PHC3: variants seen among roughly 807,000 people sequenced by gnomAD.
The protein encoded by PHC3 is polyhomeotic-like protein 3.
In PHC3, 13 loss-of-function variants were observed where a neutral mutation model predicts 107.4. The ratio of observed to expected loss-of-function variants is 0.12; its 90% confidence interval spans 0.08 to 0.19. The LOEUF (loss-of-function observed/expected upper bound fraction) is 0.19. Ranked by LOEUF, PHC3 falls within the 10% of genes least tolerant of loss-of-function variation. The pLI, the probability that PHC3 is intolerant of heterozygous loss-of-function variation, is 1.00. For synonymous variants in PHC3, 456 were observed against 427.4 expected, an observed-to-expected ratio of 1.07 and a Z score of -0.83; for missense variants, 992 against 1,210.9, an observed-to-expected ratio of 0.82 and a Z score of 2.68.
Position 170,149,261 on chromosome 3 carries a change from A to G in PHC3, c.415-17T>C. 1 of 1,599,658 alleles carries G rather than the reference A, an allele frequency of 6.3e-7. No homozygotes were observed. The highest frequency in any genetic ancestry group is 8.5e-7 in the Non-Finnish European group (1 of 1,172,924). The stretch of plus-strand genomic sequence containing the variant: ...GAGGTTGATCTAAGGAAGAAAACAT[A>G]TTAGGTCATAGGCTTCCATTTCTTG... On this transcript the variant is annotated splice_polypyrimidine_tract_variant and intron_variant, in intron 4 of 14. Transcript: ENST00000495893.
chr3:170,097,797 A>G lies in PHC3; in HGVS notation c.2834-413T>C, dbSNP rs540139223. 4.5e-4 allele frequency among the ~76,000 whole-genome samples: 69 copies of G among 152,332 alleles called. No homozygotes were observed. In the South Asian group the frequency reaches 0.014, roughly 32 times the overall value. On this transcript the variant is annotated intron_variant, in intron 14 of 14. Transcript: ENST00000495893. The surrounding 1 kb of genome is among the most constrained non-coding windows in gnomAD (Gnocchi z 4.1). ...ACATATAGGTAAAGAGGAAACAAAA[A>G]TATGTTTTGTCATTTAAATAACAAT...
chr3:170,160,340 A>G (rs1304150106), intron 4 of PHC3, among the ~76,000 whole-genome samples: 2 of 152,192 alleles, frequency 1.3e-5, no homozygotes, highest in African/African-American at 4.8e-5. Flanking sequence ...AACTCCTATG[A>G]CATTTACCAC....
intron 6 of PHC3, among the ~76,000 whole-genome samples, chr3:170,139,052 C>T (rs1240755969): frequency 6.6e-6 from 1 of 152,176 alleles, no homozygotes; most frequent in Admixed American, 6.5e-5. Flanking sequence ...TCTAGAACAA[C>T]TTTCCCATAG....
At chr3:170,139,570 T>A (rs1361614363) in intron 6 of PHC3, among the ~76,000 whole-genome samples, 1 of 152,216 alleles carries the variant, frequency 6.6e-6, no homozygotes. Context: ...TATAGAATAA[T>A]ACTCCTTTTG....
chr3:170,136,430 A>G lies in PHC3; in HGVS notation c.908T>C (p.Leu303Ser). ...AAGTTTTATCCCACCTGGTGCTATT[A>G]ACTGGTGAATACTTGATGTCCGGGT... ...AVTRTSSIHQLIAPASYSPIQ... is the reference protein window; with the variant it reads ...AVTRTSSIHQSIAPASYSPIQ... The change falls in exon 7 of 15, where the codon TTA becomes TCA. Residue 303 changes from leucine to serine, a missense_variant. Coordinates refer to ENST00000495893, the MANE Select transcript of PHC3 (RefSeq NM_024947.4). 1 of 1,610,028 alleles carries G rather than the reference A, an allele frequency of 6.2e-7. No homozygotes were observed. The highest frequency in any genetic ancestry group is 1.3e-5 in the African/African-American group (1 of 74,858).
chr3:170,137,540 G>A (rs570401588), intron 6 of PHC3, among the ~76,000 whole-genome samples: 11 of 152,266 alleles, frequency 7.2e-5, no homozygotes, highest in African/African-American at 1.4e-4. Flanking sequence ...AAGAGACTCC[G>A]AAGTGATCAA....
At position 170,132,183 on chromosome 3, in the gene PHC3, CAT is replaced by C. The variant is rs145428216; in HGVS notation, c.920-2633_920-2632del. Reference sequence around the variant, plus strand: ...GAGAATTAATGGCTGACATCTCTCACATATATATATAATTCTATTATTTACAG... The same window carrying C: ...GAGAATTAATGGCTGACATCTCTCACATATATATAATTCTATTATTTACAG... On this transcript the variant is annotated intron_variant, in intron 7 of 14. Transcript: ENST00000495893. Among the ~76,000 whole-genome samples the C allele has an allele frequency of 4.0e-3, 603 of 152,188 alleles. 20 individuals carry two copies. The East Asian group carries it at 0.098, about 25-fold the overall frequency.
intron 8 of PHC3, among the ~76,000 whole-genome samples, chr3:170,127,086 T>A (rs10936612): frequency 0.44 from 67,459 of 152,028 alleles, 15,247 homozygotes; most frequent in East Asian, 0.69. Context: ...ACGCTTCCTA[T>A]ACCCCTGTTT....
chr3:170,144,944 C>T (rs556506449), intron 6 of PHC3, among the ~76,000 whole-genome samples: 1 of 152,156 alleles, frequency 6.6e-6, no homozygotes, highest in African/African-American at 2.4e-5. Flanking sequence ...TGAGTTCACA[C>T]AATCCTCCTA....
chr3:170,168,247 A>G (rs985285940), intron 4 of PHC3, among the ~76,000 whole-genome samples: 1 of 152,186 alleles, frequency 6.6e-6, no homozygotes, highest in African/African-American at 2.4e-5. Context: ...AAAAAAATTA[A>G]AGTAAAAAAG....
chr3:170,179,359 C>A (rs533587384), intron 1 of PHC3, among the ~76,000 whole-genome samples: 1 of 152,274 alleles, frequency 6.6e-6, no homozygotes, highest in Admixed American at 6.5e-5. Flanking sequence ...TCATTCTTAC[C>A]TATACATTAG....
intron 4 of PHC3, among the ~76,000 whole-genome samples, chr3:170,155,736 A>C (rs1726786888): frequency 6.6e-6 from 1 of 152,022 alleles, no homozygotes; most frequent in African/African-American, 2.4e-5. Flanking sequence ...AAAAAAGTTA[A>C]GAAAAATGAC....
At chr3:170,158,871 A>T (rs1211828475) in intron 4 of PHC3, among the ~76,000 whole-genome samples, 1 of 151,044 alleles carries the variant, frequency 6.6e-6, no homozygotes, top group Non-Finnish European at 1.5e-5. Flanking sequence ...CAGTTGCAAT[A>T]AGCCATATTA....
In PHC3 at chr3:170,092,587, T is replaced by C. The variant is rs1714214756; in HGVS notation, c.*4643A>G. 1 of 152,218 alleles carries C rather than the reference T, an allele frequency of 6.6e-6. No individual in the cohort carries two copies. The highest frequency in any genetic ancestry group is 2.4e-5 in the African/African-American group (1 of 41,454). 9.4% of individuals were successfully genotyped at this position (152,218 alleles called of 1,614,324 possible). On this transcript the variant is annotated 3_prime_UTR_variant, in exon 15 of 15. Coordinates refer to ENST00000495893, the MANE Select transcript of PHC3 (RefSeq NM_024947.4). ...CTATAGCTCTTCTTTTCCCAATTCTTAGACTGAGACACAACCTAGCAAATA... is the reference window on the plus strand; with the variant it reads ...CTATAGCTCTTCTTTTCCCAATTCTCAGACTGAGACACAACCTAGCAAATA...
In PHC3 at chr3:170,181,702, T is replaced by C. The variant is rs368102637; in HGVS notation, c.14A>G (p.Glu5Gly). The change falls in exon 1 of 15, where the codon GAA becomes GGA. Residue 5 changes from glutamate (E) to glycine (G), a missense_variant and splice_region_variant. Glu to Gly is a moderately conservative substitution (Grantham distance 98). This residue lies in a region of PHC3 where 161 missense variants were observed against 183.7 expected (regional missense o/e 0.88). Coordinates refer to ENST00000495893, the MANE Select transcript of PHC3 (RefSeq NM_024947.4). Reference protein sequence around the residue: MAEAEFKDHSTAMDT... With the variant: MAEAGFKDHSTAMDT... ...CATCAGTCACCATCTAGTCACTCAC[T>C]CCGCTTCCGCCATCTTCTCTCCTCC... is the stretch of plus-strand genomic sequence containing the variant. The C allele has an allele frequency of 6.2e-7, 1 of 1,613,004 alleles. No individual in the cohort carries two copies. The highest frequency in any genetic ancestry group is 1.3e-5 in the African/African-American group (1 of 74,846).
At chr3:170,116,554 G>A (rs1244316278) in intron 10 of PHC3, among the ~76,000 whole-genome samples, 12 of 151,270 alleles carry the variant, frequency 7.9e-5, no homozygotes, top group African/African-American at 1.5e-4. Context: ...GTGACAGAGC[G>A]AGACTCTCTC....
At chr3:170,139,426 A>G (rs1253921496) in intron 6 of PHC3, among the ~76,000 whole-genome samples, 2 of 152,198 alleles carry the variant, frequency 1.3e-5, no homozygotes, top group Non-Finnish European at 2.9e-5. Context: ...CATTTGACAC[A>G]AATGATCTAT....
rs920624932 is a variant in PHC3, at chr3:170,102,109, A to G, written c.2833+370T>C. The G allele has an allele frequency of 4.2e-6, 4 of 963,350 alleles. No homozygotes were observed. In the South Asian group the frequency reaches 1.4e-4, roughly 35 times the overall value. 59.7% of individuals were successfully genotyped at this position (963,350 alleles called of 1,614,324 possible). ...TTTTTAAAAGGTTAAATTAGGAAAT[A>G]AGGAGGAATAGAATAGAAAAATAGA... On this transcript the variant is annotated intron_variant, in intron 14 of 14. Transcript: ENST00000495893.
chr3:170,123,769 G>A (rs1430251006), intron 8 of PHC3, among the ~76,000 whole-genome samples: 1 of 151,902 alleles, frequency 6.6e-6, no homozygotes, highest in African/African-American at 2.4e-5. Flanking sequence ...CTCCAGCCTG[G>A]GTAACAGAGT....
Sources: allele counts gnomAD v4.1 joint callset (sites outside exome capture counted in the v4.1 genomes callset), GRCh38; gene constraint gnomAD v4.1.1; regional missense constraint gnomAD v4.1.1; non-coding constraint Gnocchi (gnomAD v3.1); transcripts MANE v1.5; gene names NCBI Gene and HGNC (gene_info 2026-07-23, HGNC 2026-07-21).